The following MNAT1 variants were observed in gnomAD, a reference collection of about 807,000 sequenced individuals.
MNAT1 encodes MNAT1 component of CDK activating kinase.
A neutral mutation model predicts 42.0 loss-of-function variants in MNAT1; 43 were observed. The ratio of observed to expected loss-of-function variants is 1.02; its 90% CI spans 0.80 to 1.32. MNAT1 has a LOEUF of 1.32. Ranked by LOEUF, MNAT1 falls within the 40% of genes most tolerant of loss-of-function variation. The pLI, the probability that MNAT1 is intolerant of heterozygous loss-of-function variation, is 0.00. For missense variants in MNAT1, 306 were observed against 350.4 expected (o/e 0.87, Z 1.01); for synonymous variants, 118 against 120.0 (o/e 0.98, Z 0.11).
intron 6 of MNAT1, among the ~76,000 whole-genome samples, chr14:60,849,863 G>A (rs1355988449): frequency 6.6e-6 from 1 of 151,634 alleles, no homozygotes; most frequent in Non-Finnish European, 1.5e-5. Flanking sequence ...TTTAAATGGG[G>A]TGTCACTCTG....
chr14:60,872,542 A>T (rs1477700426), intron 6 of MNAT1, among the ~76,000 whole-genome samples: 1 of 151,568 alleles, frequency 6.6e-6, no homozygotes, highest in Non-Finnish European at 1.5e-5. Flanking sequence ...CTTCCCCCCC[A>T]TTATTACTCA....
intron 7 of MNAT1, among the ~76,000 whole-genome samples, chr14:60,903,124 G>T (rs572236982): frequency 1.4e-4 from 7 of 49,372 alleles, no homozygotes; most frequent in African/African-American, 2.8e-4. Flanking sequence ...TATTATATTC[G>T]CTGTTTAAGT....
Position 60,734,970 on chromosome 14 carries a change from G to T in MNAT1, c.89+19G>T. 1 of 1,612,924 alleles carries T rather than the reference G, an allele frequency of 6.2e-7. No individual in the cohort carries two copies. Among genetic ancestry groups the T allele is most frequent in the South Asian group, 1.1e-5 (1 of 91,036 alleles). ...ACACTCTGTGAGTTGGGCGGCAGTG[G>T]ATTCCCTGGGGGAGAGACGCGCTGG... is the stretch of plus-strand genomic sequence containing the variant. On this transcript the variant is annotated intron_variant, in intron 1 of 7. Transcript: ENST00000261245. This position sits in a 1 kb window ranked among gnomAD's most constrained non-coding sequence, Gnocchi z 4.3.
At chr14:60,755,359 T>G (rs2030303478) in intron 1 of MNAT1, among the ~76,000 whole-genome samples, 2 of 152,040 alleles carry the variant, frequency 1.3e-5, no homozygotes, top group Admixed American at 6.5e-5. Flanking sequence ...GGCCAGGATG[T>G]TCTTGATCTC....
intron 6 of MNAT1, among the ~76,000 whole-genome samples, 189 bp from the exon 7 acceptor site, chr14:60,879,525 G>A (rs897913328): frequency 2.6e-5 from 4 of 152,110 alleles, no homozygotes; most frequent in Non-Finnish European, 5.9e-5. Context: ...TTTAAATCAT[G>A]TGTAAATGAC....
chr14:60,823,795 G>A (rs1043328462), intron 6 of MNAT1, among the ~76,000 whole-genome samples: 2 of 152,020 alleles, frequency 1.3e-5, no homozygotes, highest in Non-Finnish European at 2.9e-5. Context: ...GGCGGCAGAG[G>A]TTGCAGTGAG....
intron 7 of MNAT1, among the ~76,000 whole-genome samples, chr14:60,941,395 C>G (rs879272938): frequency 6.6e-6 from 1 of 152,124 alleles, no homozygotes; most frequent in African/African-American, 2.4e-5. Flanking sequence ...AAAGATTTAC[C>G]TTGTTAAGAA....
intron 7 of MNAT1, 167 bp downstream of exon 7, chr14:60,880,002 T>G (rs985966221): frequency 3.7e-6 from 2 of 546,874 alleles, no homozygotes; most frequent in African/African-American, 3.9e-5. Flanking sequence ...CATTAATTTT[T>G]CTGTGGACTT....
chr14:60,953,665 A>C (rs2036424573), intron 7 of MNAT1, among the ~76,000 whole-genome samples: 1 of 152,192 alleles, frequency 6.6e-6, no homozygotes, highest in Non-Finnish European at 1.5e-5. Context: ...AGGAGTGCAT[A>C]TGGTAGTTCT....
intron 6 of MNAT1, among the ~76,000 whole-genome samples, chr14:60,833,643 T>G (rs2033288573): frequency 6.6e-6 from 1 of 152,180 alleles, no homozygotes. Context: ...AATTTTCTTT[T>G]TTTGTTGTGT....
chr14:60,741,663 T>TTTTG (rs888048634), intron 1 of MNAT1, among the ~76,000 whole-genome samples: 1 of 145,320 alleles, frequency 6.9e-6, no homozygotes, highest in Admixed American at 6.9e-5. Context: ...CTGGGGTTTT[T>TTTTG]TTTTTTTTTT....
chr14:60,830,167 G>A (rs977400955), intron 6 of MNAT1, among the ~76,000 whole-genome samples: 2 of 152,122 alleles, frequency 1.3e-5, no homozygotes, highest in Non-Finnish European at 2.9e-5. Flanking sequence ...TGGAAAGGAC[G>A]AAGGAATTTC....
chr14:60,747,044 G>C lies in MNAT1; in HGVS notation c.89+12093G>C, dbSNP rs182038124. Reference sequence around the variant, plus strand: ...TCTGTCGCCCAGTCTGGAGTACAGTGGTGCGATCTCGGCTCACTGCAAGCT... The same window carrying C: ...TCTGTCGCCCAGTCTGGAGTACAGTCGTGCGATCTCGGCTCACTGCAAGCT... On this transcript the variant is annotated intron_variant, in intron 1 of 7. Coordinates refer to ENST00000261245, the MANE Select transcript of MNAT1 (RefSeq NM_002431.4). Among the ~76,000 whole-genome samples the C allele has an allele frequency of 5.7e-3, 817 of 143,962 alleles. 11 individuals carry two copies. The highest frequency in any genetic ancestry group is 0.019 in the African/African-American group (734 of 38,564). The allele number at this position is 143,962 out of a possible 152,430, so 94.4% of individuals were successfully genotyped here. A position where few individuals can be genotyped will look rare whatever the true frequency, so the allele number is the denominator to read the frequency against.
chr14:60,738,889 T>C (rs1896385832), intron 1 of MNAT1, among the ~76,000 whole-genome samples: 1 of 152,226 alleles, frequency 6.6e-6, no homozygotes, highest in Non-Finnish European at 1.5e-5. Context: ...TTTTATGGCA[T>C]ATATTTCATG....
intron 1 of MNAT1, among the ~76,000 whole-genome samples, chr14:60,739,457 A>G (rs1896403312): frequency 1.3e-5 from 2 of 151,952 alleles, no homozygotes; most frequent in Non-Finnish European, 2.9e-5. Context: ...GAGTAGGAGT[A>G]GTGCTTCATA....
At chr14:60,929,296 T>G (rs2139566826) in intron 7 of MNAT1, among the ~76,000 whole-genome samples, 1 of 151,378 alleles carries the variant, frequency 6.6e-6, no homozygotes, top group East Asian at 1.9e-4. Context: ...TTGATGAAAT[T>G]CAGCTTACCA....
At chr14:60,949,614 G>T (rs2036344382) in intron 7 of MNAT1, among the ~76,000 whole-genome samples, 1 of 152,026 alleles carries the variant, frequency 6.6e-6, no homozygotes, top group Non-Finnish European at 1.5e-5. Flanking sequence ...TGAAAATAAT[G>T]CTACAATTTT....
At chr14:60,886,743 A>G (rs184878161) in intron 7 of MNAT1, among the ~76,000 whole-genome samples, 26 of 152,108 alleles carry the variant, frequency 1.7e-4, no homozygotes. Flanking sequence ...ACTTTATTGA[A>G]TTCATTTTCT....
intron 4 of MNAT1, 113 bp from the exon 5 acceptor site, chr14:60,811,874 T>C (rs757677947): frequency 3.4e-5 from 24 of 702,168 alleles, no homozygotes; most frequent in Non-Finnish European, 5.3e-5. Context: ...CATTATTAAA[T>C]AATAAGTGAC....
Sources: gnomAD v4.1 joint callset for allele counts (sites outside exome capture counted in the v4.1 genomes callset) on GRCh38, gnomAD v4.1.1 for gene constraint, Gnocchi (gnomAD v3.1) non-coding constraint, MANE v1.5 for transcripts, NCBI Gene and HGNC (gene_info 2026-07-23, HGNC 2026-07-21) for gene names.